Variants in AFF2 observed in about 807,000 individuals in gnomAD.
AFF2 encodes AF4/FMR2 family member 2.
In AFF2, 14 loss-of-function variants were observed where a neutral mutation model predicts 76.9. The ratio of observed to expected loss-of-function variants is 0.18; its 90% CI spans 0.12 to 0.28. The LOEUF (loss-of-function observed/expected upper bound fraction) is 0.28. Among genes scored for constraint, AFF2 ranks in the 10% least tolerant of loss-of-function variants. The pLI is 1.00. For missense variants in AFF2, 868 were observed against 1,001.1 expected (o/e 0.87, Z 1.79); for synonymous variants, 398 against 366.7 (o/e 1.09, Z -0.98).
At position 148,975,922 on chromosome X, in the gene AFF2, C is replaced by T. The variant is rs1401298521; in HGVS notation, c.3405-2011C>T. 4.5e-3 allele frequency among the ~76,000 whole-genome samples: 242 copies of T among 53,670 alleles called. 1 individual carries two copies. The highest frequency in any genetic ancestry group is 0.014 in the African/African-American group (237 of 16,711). The allele number at this position is 53,670 out of a possible 115,157, so 46.6% of individuals were successfully genotyped here. On this transcript the variant is annotated intron_variant, in intron 16 of 20. Coordinates refer to ENST00000370460, the MANE Select transcript of AFF2 (RefSeq NM_002025.4). ...TCCCGCCACTGCACTCCAGCCTGGGCGACAGAGCGAGACTCCGTCTCAAAA... is the reference window on the plus strand; with the variant it reads ...TCCCGCCACTGCACTCCAGCCTGGGTGACAGAGCGAGACTCCGTCTCAAAA...
intron 3 of AFF2, among the ~76,000 whole-genome samples, chrX:148,676,923 A>G (rs2054493005): frequency 9.0e-6 from 1 of 111,037 alleles, no homozygotes; most frequent in African/African-American, 3.3e-5. Context: ...AGGTATAATC[A>G]TGGTAAATAA....
chrX:148,618,795 G>A (rs992353072), intron 1 of AFF2, among the ~76,000 whole-genome samples: 1 of 111,589 alleles, frequency 9.0e-6, no homozygotes, highest in Non-Finnish European at 1.9e-5. Flanking sequence ...ATTCGTAGAA[G>A]TGAGCAAGTA....
intron 3 of AFF2, among the ~76,000 whole-genome samples, chrX:148,737,485 G>A (rs1557265206): frequency 2.7e-5 from 3 of 111,874 alleles, no homozygotes; most frequent in African/African-American, 9.7e-5. Flanking sequence ...AAACTTTGTT[G>A]AATTCTTTTA....
At chrX:148,904,891 G>A (rs368121622) in intron 9 of AFF2, among the ~76,000 whole-genome samples, 496 of 112,167 alleles carry the variant, frequency 4.4e-3, no homozygotes, top group South Asian at 0.015. Context: ...TTCAAATTAA[G>A]AAGGATGGCT....
intron 8 of AFF2, among the ~76,000 whole-genome samples, chrX:148,889,346 G>A (rs1334610947): frequency 9.0e-6 from 1 of 111,134 alleles, no homozygotes; most frequent in African/African-American, 3.3e-5. Context: ...AACACAAGCA[G>A]AGCAAGTAGG....
At chrX:148,702,001 A>G (rs1557261928) in intron 3 of AFF2, among the ~76,000 whole-genome samples, 1 of 112,436 alleles carries the variant, frequency 8.9e-6, no homozygotes. Context: ...AACCATGTAT[A>G]GATATTTTGA....
At chrX:148,812,418 G>T (rs781803354) in intron 4 of AFF2, among the ~76,000 whole-genome samples, 5 of 111,664 alleles carry the variant, frequency 4.5e-5, no homozygotes, top group African/African-American at 1.6e-4. Flanking sequence ...GAGTGGAGGA[G>T]CTGGCTTCCA....
chrX:148,734,938 A>G (rs1385601777), intron 3 of AFF2, among the ~76,000 whole-genome samples: 8 of 111,993 alleles, frequency 7.1e-5, no homozygotes, highest in South Asian at 3.7e-4. Flanking sequence ...ATTCTCTCCA[A>G]AAATCACCCA....
rs1482775842 is a variant in AFF2 at position 148,534,740 on chromosome X, A to G, written c.47+33596A>G. The stretch of plus-strand genomic sequence containing the variant: ...GAAAAACCACTATTCTTATTTTGCA[A>G]GTAATAGAAGATGTCTGACTAAGCT... On this transcript the variant is annotated intron_variant, in intron 1 of 20. Transcript: ENST00000370460. Among the ~76,000 whole-genome samples, 3 of 112,805 alleles carry G rather than the reference A, an allele frequency of 2.7e-5. No homozygotes were observed. In the East Asian group the frequency reaches 8.4e-4, roughly 32 times the overall value.
In AFF2 at chrX:148,987,507, G is replaced by A; in HGVS notation, c.3764G>A (p.Arg1255Gln). 1.7e-6 allele frequency: 2 copies of A among 1,211,555 alleles called. No homozygotes were observed. Residue 1255 changes from arginine to glutamine, a missense_variant, in exon 20 of 21, where the codon CGG becomes CAG. Arg to Gln is a conservative substitution (Grantham distance 43, BLOSUM62 1). Around this residue, in one of 6 missense-constraint regions of AFF2, gnomAD observed 33 missense variants for 63.6 expected, o/e 0.52. Transcript: ENST00000370460. Reference protein sequence around the residue: ...SHVNITSNVLRGYEHWDMADK... With the variant: ...SHVNITSNVLQGYEHWDMADK... ...GTCAACATCACTAGCAATGTGTTAC[G>A]GGGCTATGAACACTGGGATATGGCC...
chrX:148,767,657 G>C (rs889733115), intron 3 of AFF2, among the ~76,000 whole-genome samples: 2 of 111,462 alleles, frequency 1.8e-5, no homozygotes, highest in Non-Finnish European at 3.8e-5. Context: ...AACTTAAAAG[G>C]GTTGACAAAC....
At chrX:148,774,801 C>T (rs1557268412) in intron 3 of AFF2, among the ~76,000 whole-genome samples, 1 of 111,901 alleles carries the variant, frequency 8.9e-6, no homozygotes, top group Non-Finnish European at 1.9e-5. Flanking sequence ...CTCTGTAAAA[C>T]AGTAGCCCAA....
intron 3 of AFF2, among the ~76,000 whole-genome samples, chrX:148,701,706 A>G (rs907163187): frequency 8.9e-6 from 1 of 112,307 alleles, no homozygotes; most frequent in Non-Finnish European, 1.9e-5. Context: ...ATTGTGGTAC[A>G]CTCACACACT....
intron 4 of AFF2, chrX:148,822,119 A>G (rs1345196495): frequency 1.8e-5 from 2 of 111,982 alleles, no homozygotes; most frequent in Non-Finnish European, 3.8e-5. Context: ...TCCAAATGAT[A>G]TATTATCACC....
rs138752688 is a variant in AFF2, at chrX:148,770,545, T to C, written c.1042-39331T>C. Among the ~76,000 whole-genome samples the C allele has an allele frequency of 4.5e-5, 5 of 111,172 alleles. No individual in the cohort carries two copies. In the East Asian group the frequency reaches 8.5e-4, roughly 19 times the overall value. Reference sequence around the variant, plus strand: ...AAACATGGACAAAGAGGTAGAAACTTGTGCAAATTTAAATCACATAATAAG... The same window carrying C: ...AAACATGGACAAAGAGGTAGAAACTCGTGCAAATTTAAATCACATAATAAG... On this transcript the variant is annotated intron_variant, in intron 3 of 20. Coordinates refer to ENST00000370460, the MANE Select transcript of AFF2 (RefSeq NM_002025.4).
At chrX:148,815,650 A>G (rs1394220180) in intron 4 of AFF2, among the ~76,000 whole-genome samples, 1 of 111,283 alleles carries the variant, frequency 9.0e-6, no homozygotes, top group Non-Finnish European at 1.9e-5. Context: ...TGCAGCTAAT[A>G]TATGAGGTGA....
chrX:148,836,835 G>T (rs1444037255), intron 4 of AFF2, among the ~76,000 whole-genome samples: 1 of 111,723 alleles, frequency 9.0e-6, no homozygotes, highest in Non-Finnish European at 1.9e-5. Context: ...GATAACACAG[G>T]GTGGGAGCCT....
At chrX:148,651,462 G>A (rs782510649) in intron 1 of AFF2, among the ~76,000 whole-genome samples, 5 of 112,052 alleles carry the variant, frequency 4.5e-5, no homozygotes, top group Non-Finnish European at 7.5e-5. Context: ...AGGTGATTTG[G>A]TGATTTATTT....
intron 1 of AFF2, among the ~76,000 whole-genome samples, chrX:148,533,302 T>A (rs926123624): frequency 5.4e-5 from 6 of 111,199 alleles, no homozygotes; most frequent in Non-Finnish European, 7.5e-5. Context: ...GATTATTATT[T>A]TTTTTTTTGA....
Sources: gnomAD v4.1 joint callset for allele counts (sites outside exome capture counted in the v4.1 genomes callset) on GRCh38, gnomAD v4.1.1 for gene constraint, gnomAD v4.1.1 regional missense constraint, MANE v1.5 for transcripts, NCBI Gene and HGNC (gene_info 2026-07-23, HGNC 2026-07-21) for gene names.